FTO: variants seen among roughly 807,000 people sequenced by gnomAD.
The protein encoded by FTO is alpha-ketoglutarate-dependent dioxygenase FTO.
Under a neutral mutation model 63.9 loss-of-function variants are expected in FTO, and 47 were observed. The observed-to-expected ratio is 0.74, with a 90% CI of 0.58 to 0.94. The LOEUF is 0.94. Ranked by LOEUF, FTO falls within the 40% of genes least tolerant of loss-of-function variation. The probability of loss-of-function intolerance (pLI) is 0.00; values close to 1 mark genes in which losing one functional copy is unlikely to be tolerated. For missense variants in FTO, 562 were observed against 618.1 expected, an observed-to-expected ratio of 0.91 and a Z score of 0.96; for synonymous variants, 207 against 224.4, an observed-to-expected ratio of 0.92 and a Z score of 0.69.
chr16:53,980,939 C>T (rs939494023), intron 8 of FTO, among the ~76,000 whole-genome samples: 1 of 152,146 alleles, frequency 6.6e-6, no homozygotes, highest in Non-Finnish European at 1.5e-5. Flanking sequence ...ATATTATACA[C>T]AAGTATAAAC....
intron 8 of FTO, among the ~76,000 whole-genome samples, chr16:54,032,268 T>C (rs1387546554): frequency 3.3e-5 from 5 of 152,208 alleles, no homozygotes; most frequent in African/African-American, 1.2e-4. Context: ...GACTTCTAAG[T>C]TGACAGAACT....
At chr16:53,902,408 A>T (rs1334535094) in intron 7 of FTO, among the ~76,000 whole-genome samples, 1 of 152,168 alleles carries the variant, frequency 6.6e-6, no homozygotes, top group African/African-American at 2.4e-5. Flanking sequence ...CCCAGTTCCC[A>T]GTTCAGTGCT....
At chr16:53,849,103 A>G (rs1315926851) in intron 4 of FTO, among the ~76,000 whole-genome samples, 2 of 152,184 alleles carry the variant, frequency 1.3e-5, no homozygotes, top group East Asian at 1.9e-4. Flanking sequence ...TACCTTGTCA[A>G]CAGTTTAGGG....
At chr16:53,975,035 G>A (rs1435066851) in intron 8 of FTO, among the ~76,000 whole-genome samples, 1 of 151,788 alleles carries the variant, frequency 6.6e-6, no homozygotes, top group African/African-American at 2.4e-5. Context: ...GTTTTTATAT[G>A]TATATATATA....
At chr16:54,067,292 G>C (rs917220115) in intron 8 of FTO, among the ~76,000 whole-genome samples, 14 of 152,154 alleles carry the variant, frequency 9.2e-5, no homozygotes, top group African/African-American at 2.7e-4. Context: ...AACATGAACA[G>C]GTTGAATGCC....
chr16:53,857,143 G>T (rs907807214), intron 4 of FTO, among the ~76,000 whole-genome samples: 2 of 151,966 alleles, frequency 1.3e-5, no homozygotes, highest in African/African-American at 4.8e-5. Context: ...TGGGTAAATT[G>T]CATATTGTAG....
intron 7 of FTO, among the ~76,000 whole-genome samples, chr16:53,890,336 C>G (rs766140933): frequency 7.9e-5 from 12 of 152,060 alleles, no homozygotes; most frequent in Non-Finnish European, 1.2e-4. Flanking sequence ...ATACATGTAC[C>G]TTCATGAAAC....
rs2076947832 is a variant in FTO, at chr16:53,757,339, T to C, written c.46-52801T>C. Among the ~76,000 whole-genome samples the C allele has an allele frequency of 2.6e-5, 4 of 152,126 alleles. No individual in the cohort carries two copies. The South Asian group carries it at 8.3e-4, about 31-fold the overall frequency. On this transcript the variant is annotated intron_variant, in intron 1 of 8. Coordinates refer to ENST00000471389, the MANE Select transcript of FTO (RefSeq NM_001080432.3). ...TCTTGAACATCACTGAACATATTTA[T>C]GGCTGATCATTTTGTGTTTTAACAA...
At chr16:54,026,680 G>A (rs2084721370) in intron 8 of FTO, among the ~76,000 whole-genome samples, 1 of 152,150 alleles carries the variant, frequency 6.6e-6, no homozygotes, top group African/African-American at 2.4e-5. Flanking sequence ...AGCCCTTGAT[G>A]TTGGCCAGTA....
chr16:54,050,976 C>T (rs2144329878), intron 8 of FTO, among the ~76,000 whole-genome samples: 1 of 152,234 alleles, frequency 6.6e-6, no homozygotes. Flanking sequence ...GAAATCGCAC[C>T]ACAAGCAGTT....
chr16:53,933,969 G>A lies in FTO; in HGVS notation c.1240-16G>A, dbSNP rs1374346750. ...TTTTCACTTTTTCTTTCTCTGTTTT[G>A]GATCATTTCTTGTAGACAAATGCTG... On this transcript the variant is annotated splice_polypyrimidine_tract_variant and intron_variant, in intron 7 of 8. Transcript: ENST00000471389. 2 of 1,611,564 alleles carry A rather than the reference G, an allele frequency of 1.2e-6. No individual in the cohort carries two copies. The highest frequency in any genetic ancestry group is 1.7e-6 in the Non-Finnish European group (2 of 1,178,724).
intron 8 of FTO, among the ~76,000 whole-genome samples, chr16:54,069,559 G>A (rs73621744): frequency 2.4e-3 from 364 of 152,238 alleles, no homozygotes; most frequent in African/African-American, 8.1e-3. Context: ...CAGTAGAATT[G>A]CAGGTTATTT....
At chr16:53,984,707 T>C (rs2143842934) in intron 8 of FTO, among the ~76,000 whole-genome samples, 1 of 152,276 alleles carries the variant, frequency 6.6e-6, no homozygotes, top group South Asian at 2.1e-4. Flanking sequence ...CAACTGAAGA[T>C]GGTGTCCCTA....
At chr16:53,730,277 G>A (rs1805561365) in intron 1 of FTO, among the ~76,000 whole-genome samples, 1 of 152,058 alleles carries the variant, frequency 6.6e-6, no homozygotes, top group African/African-American at 2.4e-5. Flanking sequence ...AGGATATAGT[G>A]TCACTGAGCA....
At position 53,883,630 on chromosome 16, in the gene FTO, AAAAAAC is replaced by A. The variant is rs1454080445; in HGVS notation, c.1119+3649_1119+3654del. Among the ~76,000 whole-genome samples, 5 of 147,614 alleles carry A rather than the reference AAAAAAC, an allele frequency of 3.4e-5. No homozygotes were observed. The East Asian group carries it at 6.0e-4, about 18-fold the overall frequency. On this transcript the variant is annotated intron_variant, in intron 6 of 8. Transcript: ENST00000471389. ...AGGGCGAAACTCTATCTCAAAAAAA[AAAAAAC>A]AAAAAAAAAAAAACAAATTTGTCTG...
At chr16:54,085,476 CCTT>C (rs1337222701) in intron 8 of FTO, among the ~76,000 whole-genome samples, 3 of 152,184 alleles carry the variant, frequency 2.0e-5, no homozygotes, top group Non-Finnish European at 4.4e-5. Context: ...ATCTTTCCCT[CCTT>C]CACATGCCCT....
chr16:54,097,514 ACTT>A (rs756392783), intron 8 of FTO, among the ~76,000 whole-genome samples: 1 of 152,034 alleles, frequency 6.6e-6, no homozygotes, highest in South Asian at 2.1e-4. Flanking sequence ...CCCAGCTATT[ACTT>A]CTTCTTATCA....
intron 8 of FTO, among the ~76,000 whole-genome samples, chr16:54,013,720 G>A (rs1428409863): frequency 6.6e-6 from 1 of 152,192 alleles, no homozygotes; most frequent in East Asian, 1.9e-4. Flanking sequence ...ATAATTGTTA[G>A]CATTTTTTAG....
chr16:54,033,801 G>A (rs2084882805), intron 8 of FTO, among the ~76,000 whole-genome samples: 1 of 152,222 alleles, frequency 6.6e-6, no homozygotes, highest in Non-Finnish European at 1.5e-5. Flanking sequence ...GGGCCACCGA[G>A]CAAGACCCAG....
Sources: gnomAD v4.1 joint callset for allele counts (sites outside exome capture counted in the v4.1 genomes callset) on GRCh38, gnomAD v4.1.1 for gene constraint, MANE v1.5 for transcripts, NCBI Gene and HGNC (gene_info 2026-07-23, HGNC 2026-07-21) for gene names.